CNTN4: variants seen among roughly 807,000 people sequenced by gnomAD.
CNTN4 encodes contactin-4.
In CNTN4, 77 loss-of-function variants were observed where a neutral mutation model predicts 122.5. The ratio of observed to expected loss-of-function variants is 0.63; its 90% CI spans 0.52 to 0.76. CNTN4 has a LOEUF of 0.76. Ranked by LOEUF, CNTN4 falls within the 30% of genes least tolerant of loss-of-function variation. The probability of loss-of-function intolerance (pLI) is 0.00; values close to 1 mark genes in which losing one functional copy is unlikely to be tolerated. For missense variants in CNTN4, 1,256 were observed against 1,259.1 expected (o/e 1.00, Z 0.04); for synonymous variants, 512 against 447.0 (o/e 1.15, Z -1.83).
chr3:2,466,970 C>CTTTTTTTTTTTTTTTTTTTTTTTTCTT (rs60879017), intron 3 of CNTN4, among the ~76,000 whole-genome samples: 1 of 115,812 alleles, frequency 8.6e-6, no homozygotes, highest in Non-Finnish European at 1.7e-5. Flanking sequence ...TTCTTTCTTT[C>CTTTTTTTTTTTTTTTTTTTTTTTTCTT]TTTTTTTTTT....
intron 2 of CNTN4, among the ~76,000 whole-genome samples, chr3:2,201,578 G>T (rs1005702735): frequency 2.0e-5 from 3 of 152,062 alleles, no homozygotes; most frequent in African/African-American, 7.2e-5. Flanking sequence ...AAAATAACCA[G>T]TTCTGAAAAG....
In CNTN4 at chr3:2,988,379, A is replaced by G; in HGVS notation, c.1393A>G (p.Ile465Val). 6.2e-7 allele frequency: 1 copy of G among 1,613,836 alleles called. No individual in the cohort carries two copies. Among genetic ancestry groups the G allele is most frequent in the Non-Finnish European group, 8.5e-7 (1 of 1,179,806 alleles). Residue 465 changes from isoleucine (I) to valine (V), a missense_variant, in exon 14 of 25, where the codon ATC becomes GTC. Physicochemically the swap from Ile to Val is conservative, Grantham distance 29 (BLOSUM62 3). Transcript: ENST00000418658. ...TTCTGAAGATGGAAACCTCAGAATC[A>G]TCAACGTTACTAAATCAGACGCTGG... Reference protein sequence around the residue: ...TISEDGNLRIINVTKSDAGSY... With the variant: ...TISEDGNLRIVNVTKSDAGSY...
intron 13 of CNTN4, among the ~76,000 whole-genome samples, chr3:2,946,021 T>C (rs2094674087): frequency 6.6e-6 from 1 of 152,214 alleles, no homozygotes; most frequent in African/African-American, 2.4e-5. Context: ...TTCAAGGATG[T>C]ATATCTTTTC....
chr3:2,362,132 C>T (rs1210081543), intron 3 of CNTN4: 2 of 154,106 alleles, frequency 1.3e-5, no homozygotes, highest in Non-Finnish European at 2.9e-5. Flanking sequence ...CTAAGTGCAG[C>T]AGTTAAGGAG....
intron 14 of CNTN4, among the ~76,000 whole-genome samples, chr3:3,012,356 TG>T (rs1483034415): frequency 3.3e-5 from 5 of 152,162 alleles, no homozygotes; most frequent in Non-Finnish European, 5.9e-5. Context: ...GAGGCATCTT[TG>T]TTTCTGTCAC....
intron 2 of CNTN4, among the ~76,000 whole-genome samples, chr3:2,149,891 G>A (rs2035417179): frequency 6.6e-6 from 1 of 151,548 alleles, no homozygotes; most frequent in African/African-American, 2.4e-5. Context: ...ACCAATGCTG[G>A]TGAAATAACC....
chr3:2,520,197 G>T (rs1171144118), intron 3 of CNTN4, among the ~76,000 whole-genome samples: 1 of 149,742 alleles, frequency 6.7e-6, no homozygotes, highest in Non-Finnish European at 1.5e-5. Flanking sequence ...TTCTACTGGG[G>T]TGCTAAAGTT....
At chr3:2,504,638 G>T (rs552816767) in intron 3 of CNTN4, among the ~76,000 whole-genome samples, 2 of 152,170 alleles carry the variant, frequency 1.3e-5, no homozygotes, top group East Asian at 3.9e-4. Context: ...TAATCTCAAA[G>T]TTGCTTCCAA....
At chr3:2,873,013 C>A (rs1282720230) in intron 8 of CNTN4, among the ~76,000 whole-genome samples, 1 of 152,122 alleles carries the variant, frequency 6.6e-6, no homozygotes, top group Non-Finnish European at 1.5e-5. Flanking sequence ...TTAAATCAAG[C>A]TTTCACCCAG....
chr3:2,120,251 T>C (rs938602130), intron 2 of CNTN4, among the ~76,000 whole-genome samples: 2 of 150,492 alleles, frequency 1.3e-5, no homozygotes, highest in African/African-American at 4.9e-5. Flanking sequence ...GGATTCTACT[T>C]TGAGAGTATG....
chr3:2,307,389 T>A (rs1204249270), intron 2 of CNTN4, among the ~76,000 whole-genome samples: 1 of 151,002 alleles, frequency 6.6e-6, no homozygotes, highest in African/African-American at 2.4e-5. Context: ...GGGCCGAGAT[T>A]GTGCCACTGC....
chr3:2,204,889 A>G (rs1030392126), intron 2 of CNTN4, among the ~76,000 whole-genome samples: 3 of 152,186 alleles, frequency 2.0e-5, no homozygotes, highest in Non-Finnish European at 4.4e-5. Flanking sequence ...CTAATAACAT[A>G]TGAATGTCTC....
At chr3:2,329,010 GAAGA>G (rs934105307) in intron 2 of CNTN4, among the ~76,000 whole-genome samples, 10 of 151,940 alleles carry the variant, frequency 6.6e-5, no homozygotes, top group Non-Finnish European at 1.0e-4. Context: ...TTTTTGATAT[GAAGA>G]AAGTTTATAT....
intron 3 of CNTN4, among the ~76,000 whole-genome samples, chr3:2,390,548 C>T (rs555444234): frequency 3.3e-5 from 5 of 151,950 alleles, no homozygotes; most frequent in East Asian, 1.9e-4. Context: ...ATATGAATAC[C>T]GAAGACTTGT....
chr3:2,847,237 G>T (rs1484055237), intron 7 of CNTN4, among the ~76,000 whole-genome samples: 9 of 151,466 alleles, frequency 5.9e-5, no homozygotes, highest in African/African-American at 1.9e-4. Context: ...CATCCCCTTA[G>T]AGGTCAGTAA....
intron 2 of CNTN4, among the ~76,000 whole-genome samples, chr3:2,227,296 A>T (rs966844392): frequency 6.6e-6 from 1 of 152,196 alleles, no homozygotes; most frequent in African/African-American, 2.4e-5. Context: ...ATATGGATAG[A>T]TTAGGAATGC....
chr3:2,452,032 GA>G, intron 3 of CNTN4, among the ~76,000 whole-genome samples: 1 of 152,108 alleles, frequency 6.6e-6, no homozygotes, highest in East Asian at 1.9e-4. Flanking sequence ...TCTTAATTTA[GA>G]GTAGCCTGCA....
At chr3:2,910,162 A>T (rs1291159200) in intron 12 of CNTN4, among the ~76,000 whole-genome samples, 1 of 152,250 alleles carries the variant, frequency 6.6e-6, no homozygotes, top group Non-Finnish European at 1.5e-5. Flanking sequence ...GCTGCATGGC[A>T]TGACTCTGGT....
chr3:2,593,557 G>A (rs1284518829), intron 4 of CNTN4, among the ~76,000 whole-genome samples: 1 of 152,096 alleles, frequency 6.6e-6, no homozygotes, highest in Non-Finnish European at 1.5e-5. Context: ...ACAACTATTT[G>A]TTTGATCTTG....
Sources: gnomAD v4.1 joint callset for allele counts (sites outside exome capture counted in the v4.1 genomes callset) on GRCh38, gnomAD v4.1.1 for gene constraint, MANE v1.5 for transcripts, NCBI Gene and HGNC (gene_info 2026-07-23, HGNC 2026-07-21) for gene names.